CADPS2: variants seen among roughly 807,000 people sequenced by gnomAD.
The protein encoded by CADPS2 is calcium-dependent secretion activator 2.
Under a neutral mutation model 172.5 loss-of-function variants are expected in CADPS2, and 93 were observed. That is an observed-to-expected ratio of 0.54 (90% CI 0.46 to 0.64). The LOEUF is 0.64. CADPS2 is among the 30% of genes least tolerant of loss of function. CADPS2 has a pLI of 0.00. For missense variants in CADPS2, 1,420 were observed against 1,565.9 expected, an observed-to-expected ratio of 0.91 and a Z score of 1.57; for synonymous variants, 546 against 555.2, an observed-to-expected ratio of 0.98 and a Z score of 0.23.
At chr7:122,877,151 C>T (rs2141641185) in intron 1 of CADPS2, among the ~76,000 whole-genome samples, 1 of 152,146 alleles carries the variant, frequency 6.6e-6, no homozygotes, top group South Asian at 2.1e-4. Flanking sequence ...TCTGTCACAT[C>T]AGTAAAACAA....
intron 1 of CADPS2, among the ~76,000 whole-genome samples, chr7:122,769,256 T>C (rs968530395): frequency 6.6e-6 from 1 of 152,182 alleles, no homozygotes; most frequent in Admixed American, 6.5e-5. Context: ...TAGAGTCAAA[T>C]CTCACCCTCC....
intron 11 of CADPS2, among the ~76,000 whole-genome samples, chr7:122,485,566 A>G (rs2152283414): frequency 6.6e-6 from 1 of 152,342 alleles, no homozygotes; most frequent in East Asian, 1.9e-4. Context: ...AGCAGAGGTC[A>G]GCTCATTAGG....
intron 1 of CADPS2, among the ~76,000 whole-genome samples, chr7:122,797,974 T>C (rs922109630): frequency 6.6e-6 from 1 of 152,136 alleles, no homozygotes; most frequent in African/African-American, 2.4e-5. Context: ...GTTTATTTAA[T>C]ATTTGTGTCA....
In CADPS2 at chr7:122,694,052, A is replaced by G. The variant is rs546867173; in HGVS notation, c.454-30483T>C. Among the ~76,000 whole-genome samples, 152 of 152,334 alleles carry G rather than the reference A, an allele frequency of 1.0e-3. 7 individuals are homozygous for G. In the South Asian group the frequency reaches 0.031, roughly 31 times the overall value. On this transcript the variant is annotated intron_variant, in intron 2 of 29. Coordinates refer to ENST00000449022, the MANE Select transcript of CADPS2 (RefSeq NM_017954.11). ...ACATCAGATAATAATAAATATTACA[A>G]CTTGAGTAATAGCTGACTGTTTAGA...
rs538185954 is a variant in CADPS2 at position 122,360,818 on chromosome 7, C to T, written c.3474G>A (p.Val1158=). ...CATCAACATATTTTGCAGCTGCTTT[C>T]ACCTTAAGTGTGAAAGAAAGAGATA... The part of the protein sequence containing the change: ...TFFSSILSFT[V]KAAAKYVDVP... The change falls in exon 27 of 30, where the codon GTG becomes GTA. Residue 1158 remains valine (V), a splice_region_variant and synonymous_variant. Transcript: ENST00000449022. The T allele has an allele frequency of 1.3e-6, 2 of 1,569,356 alleles. No individual in the cohort carries two copies. The highest frequency in any genetic ancestry group is 1.7e-6 in the Non-Finnish European group (2 of 1,156,504).
At chr7:122,619,459 C>CAAA (rs113157386) in intron 5 of CADPS2, among the ~76,000 whole-genome samples, 3 of 95,360 alleles carry the variant, frequency 3.1e-5, no homozygotes, top group Non-Finnish European at 4.7e-5. Flanking sequence ...CTAAAAAATA[C>CAAA]AAAAAAAAAA....
At position 122,669,323 on chromosome 7, in the gene CADPS2, C is replaced by T. The variant is rs942302080; in HGVS notation, c.454-5754G>A. On this transcript the variant is annotated intron_variant, in intron 2 of 29. Transcript: ENST00000449022. ...TCCAAACTGAGTGACAGAGTGAGAT[C>T]CTGTCTAAAGAAAAAATATATATAT... Among the ~76,000 whole-genome samples the T allele has an allele frequency of 3.4e-5, 5 of 148,674 alleles. No homozygotes were observed. The Admixed American group carries it at 3.4e-4, about 10-fold the overall frequency.
chr7:122,497,638 T>C (rs890044849), intron 9 of CADPS2, among the ~76,000 whole-genome samples: 4 of 152,188 alleles, frequency 2.6e-5, no homozygotes, highest in African/African-American at 9.6e-5. Flanking sequence ...TATTAAAGTA[T>C]ATGATCTTAA....
At chr7:122,492,436 T>C (rs2129790357) in intron 9 of CADPS2, among the ~76,000 whole-genome samples, 1 of 152,164 alleles carries the variant, frequency 6.6e-6, no homozygotes. Flanking sequence ...TCCCTGAGTG[T>C]GTCTGCTTGG....
chr7:122,434,929 A>G lies in CADPS2; in HGVS notation c.2476+3412T>C, dbSNP rs1218896491. ...TGTAAGAGCCCTTCAAATATCTGTG[A>G]CAGCTTCCAAGTAAGATTGGTGGAT... On this transcript the variant is annotated intron_variant, in intron 17 of 29. Coordinates refer to ENST00000449022, the MANE Select transcript of CADPS2 (RefSeq NM_017954.11). 2.6e-5 allele frequency among the ~76,000 whole-genome samples: 4 copies of G among 152,308 alleles called. No individual in the cohort carries two copies. In the East Asian group the frequency reaches 7.7e-4, roughly 29 times the overall value.
intron 27 of CADPS2, among the ~76,000 whole-genome samples, chr7:122,351,380 A>AAAAAAAAAAAAAAAAAAAAAAAAAC (rs2038597615): frequency 7.3e-6 from 1 of 137,220 alleles, no homozygotes; most frequent in African/African-American, 3.1e-5. Flanking sequence ...CTCAAAAAAA[A>AAAAAAAAAAAAAAAAAAAAAAAAAC]AAAAAAAAAA....
chr7:122,823,768 C>G (rs529682906), intron 1 of CADPS2, among the ~76,000 whole-genome samples: 46 of 152,152 alleles, frequency 3.0e-4, no homozygotes, highest in Admixed American at 2.6e-3. Flanking sequence ...GACCTAACTC[C>G]GAAACCAAGT....
chr7:122,708,661 A>T (rs1473158658), intron 2 of CADPS2, among the ~76,000 whole-genome samples: 1 of 151,138 alleles, frequency 6.6e-6, no homozygotes, highest in Non-Finnish European at 1.5e-5. Flanking sequence ...GATCAAATCC[A>T]TTTAAATTGT....
chr7:122,635,926 C>T (rs1029587477), intron 3 of CADPS2, among the ~76,000 whole-genome samples: 1 of 5,364 alleles, frequency 1.9e-4, no homozygotes, highest in Admixed American at 3.8e-3. Flanking sequence ...TAGCAGCTCC[C>T]ACATTTTTTT....
At chr7:122,506,760 G>C (rs1368553154) in intron 9 of CADPS2, among the ~76,000 whole-genome samples, 1 of 149,760 alleles carries the variant, frequency 6.7e-6, no homozygotes. Context: ...AACTACACCA[G>C]AGCTGAATTT....
At chr7:122,705,888 A>AATATAATATATAATATAATATATAAT (rs1564124138) in intron 2 of CADPS2, among the ~76,000 whole-genome samples, 1 of 1,836 alleles carries the variant, frequency 5.4e-4, no homozygotes, top group Non-Finnish European at 1.1e-3. Flanking sequence ...TAATATAATA[A>AATATAATATATAATATAATATATAAT]ATATAATATA....
chr7:122,785,575 C>T (rs1793835630), intron 1 of CADPS2, among the ~76,000 whole-genome samples: 1 of 152,174 alleles, frequency 6.6e-6, no homozygotes, highest in Non-Finnish European at 1.5e-5. Context: ...GCTATTTCCC[C>T]TTCAGAAATA....
rs190314655 is a variant in CADPS2 at position 122,318,549 on chromosome 7, C to T, written c.*1616G>A. 1 of 152,310 alleles carries T rather than the reference C, an allele frequency of 6.6e-6. No individual in the cohort carries two copies. Among genetic ancestry groups the T allele is most frequent in the Admixed American group, 6.5e-5 (1 of 15,296 alleles). The allele number at this position is 152,310 out of a possible 1,614,324, so 9.4% of individuals were successfully genotyped here. A position where few individuals can be genotyped will look rare whatever the true frequency, so the allele number is the denominator to read the frequency against. ...CATTGGAGAGTTTGGGATAGCATGA[C>T]TGGACATTTGAGGGTTTGGAGAAAA... On this transcript the variant is annotated 3_prime_UTR_variant, in exon 30 of 30. Transcript: ENST00000449022.
At chr7:122,823,138 T>C (rs148177674) in intron 1 of CADPS2, among the ~76,000 whole-genome samples, 142 of 152,346 alleles carry the variant, frequency 9.3e-4, no homozygotes, top group African/African-American at 3.0e-3. Flanking sequence ...TCAGATCTTT[T>C]GTACATTTTA....
Sources: gnomAD v4.1 joint callset for allele counts (sites outside exome capture counted in the v4.1 genomes callset) on GRCh38, gnomAD v4.1.1 for gene constraint, MANE v1.5 for transcripts, NCBI Gene and HGNC (gene_info 2026-07-23, HGNC 2026-07-21) for gene names.